Variants in RGL1 observed in about 807,000 individuals in gnomAD.
The protein encoded by RGL1 is ral guanine nucleotide dissociation stimulator like 1.
A neutral mutation model predicts 95.2 loss-of-function variants in RGL1; 24 were observed. The observed-to-expected ratio is 0.25, with a 90% CI of 0.18 to 0.35. The LOEUF (loss-of-function observed/expected upper bound fraction) is 0.35. Among genes scored for constraint, RGL1 ranks in the 10% least tolerant of loss-of-function variants. RGL1 has a pLI of 1.00. For missense variants in RGL1, 715 were observed against 936.3 expected (o/e 0.76, Z 3.08); for synonymous variants, 329 against 344.9 (o/e 0.95, Z 0.51).
chr1:183,916,728 C>T lies in RGL1; in HGVS notation c.2004+27C>T, dbSNP rs746806204. On this transcript the variant is annotated intron_variant, in intron 16 of 17. Coordinates refer to ENST00000360851, the MANE Select transcript of RGL1 (RefSeq NM_001297671.3). ...TGAGGAGCAAGCCCTGACCCAGGAG[C>T]GGGTTTCCATTTAGATTGTGTGTCT... The T allele has an allele frequency of 2.7e-5, 43 of 1,598,892 alleles. No individual in the cohort carries two copies. The Admixed American group carries it at 6.6e-4, about 24-fold the overall frequency.
At chr1:183,913,224 A>C (rs983366175) in intron 15 of RGL1, among the ~76,000 whole-genome samples, 4 of 110,234 alleles carry the variant, frequency 3.6e-5, no homozygotes, top group Non-Finnish European at 6.6e-5. Context: ...ATGAAGTCTC[A>C]CTACTCTGTT....
At chr1:183,657,262 GT>G (rs1482085573) in intron 1 of RGL1, among the ~76,000 whole-genome samples, 4 of 152,016 alleles carry the variant, frequency 2.6e-5, no homozygotes, top group Admixed American at 2.6e-4. Context: ...ATGTTTTACA[GT>G]TTTCAGTGTA....
At chr1:183,769,518 C>T (rs181231483) in intron 2 of RGL1, among the ~76,000 whole-genome samples, 2 of 152,298 alleles carry the variant, frequency 1.3e-5, no homozygotes, top group Admixed American at 6.5e-5. Flanking sequence ...TAATTATGAG[C>T]TTTCTTTTAT....
At chr1:183,794,296 G>A (rs187647219) in intron 2 of RGL1, among the ~76,000 whole-genome samples, 130 of 152,270 alleles carry the variant, frequency 8.5e-4, no homozygotes, top group African/African-American at 3.0e-3. Flanking sequence ...AAGGTGGAGA[G>A]GGGGATGAAG....
chr1:183,922,369 C>T (rs1006471340), intron 17 of RGL1, 33 bp downstream of exon 17: 5 of 1,529,210 alleles, frequency 3.3e-6, no homozygotes, highest in Admixed American at 3.4e-5. Context: ...CATGTTCCTT[C>T]CCAGGGCAGG....
At chr1:183,917,427 A>G (rs1016873544) in intron 16 of RGL1, among the ~76,000 whole-genome samples, 2 of 152,190 alleles carry the variant, frequency 1.3e-5, no homozygotes, top group Non-Finnish European at 2.9e-5. Context: ...TATGGGAGAT[A>G]ATCATGTATT....
chr1:183,828,246 T>A (rs1558232971), intron 2 of RGL1, among the ~76,000 whole-genome samples: 1 of 152,242 alleles, frequency 6.6e-6, no homozygotes, highest in Admixed American at 6.5e-5. Context: ...TTTATCCTGT[T>A]AATATGCAAT....
chr1:183,758,656 C>T (rs1406068201), intron 2 of RGL1, among the ~76,000 whole-genome samples: 1 of 151,932 alleles, frequency 6.6e-6, no homozygotes, highest in African/African-American at 2.4e-5. Flanking sequence ...CTTTGGGGTC[C>T]CTTTTATAAG....
intron 2 of RGL1, among the ~76,000 whole-genome samples, chr1:183,815,841 C>T (rs1471722276): frequency 6.6e-6 from 1 of 152,132 alleles, no homozygotes; most frequent in Non-Finnish European, 1.5e-5. Context: ...TGGTGGGGCT[C>T]TCGTCAGCAC....
chr1:183,912,724 C>T (rs1668719548), intron 15 of RGL1, among the ~76,000 whole-genome samples: 1 of 152,174 alleles, frequency 6.6e-6, no homozygotes, highest in Admixed American at 6.5e-5. Flanking sequence ...CTAGGTTGGG[C>T]TTGACACTAG....
intron 1 of RGL1, among the ~76,000 whole-genome samples, chr1:183,674,581 A>G (rs747998001): frequency 5.3e-5 from 8 of 152,138 alleles, no homozygotes; most frequent in Non-Finnish European, 1.0e-4. Context: ...GGACTTTTCT[A>G]TCTCTTTTAG....
At chr1:183,872,323 A>C (rs532457555) in intron 4 of RGL1, among the ~76,000 whole-genome samples, 37 of 152,170 alleles carry the variant, frequency 2.4e-4, no homozygotes, top group Non-Finnish European at 4.7e-4. Context: ...CCCTCTCTCT[A>C]TATATAACTT....
At chr1:183,919,993 T>C (rs139338376) in intron 16 of RGL1, among the ~76,000 whole-genome samples, 1 of 152,304 alleles carries the variant, frequency 6.6e-6, no homozygotes, top group East Asian at 1.9e-4. Flanking sequence ...TTATATATGC[T>C]GATGTAATAT....
intron 15 of RGL1, among the ~76,000 whole-genome samples, chr1:183,913,843 A>G (rs995355491): frequency 2.6e-5 from 4 of 152,184 alleles, no homozygotes; most frequent in Non-Finnish European, 4.4e-5. Flanking sequence ...TGAGATGACT[A>G]ATTTGCTGCT....
intron 3 of RGL1, among the ~76,000 whole-genome samples, chr1:183,851,031 T>A (rs890621314): frequency 1.3e-5 from 2 of 152,246 alleles, no homozygotes; most frequent in African/African-American, 2.4e-5. Flanking sequence ...CAGATTTTGA[T>A]ATTTTTTAAA....
At chr1:183,678,131 GT>G (rs899104598) in intron 1 of RGL1, among the ~76,000 whole-genome samples, 2 of 151,942 alleles carry the variant, frequency 1.3e-5, no homozygotes, top group Admixed American at 6.6e-5. Flanking sequence ...ACACTGTGCA[GT>G]TTTTTTTCTT....
At chr1:183,865,370 A>G (rs186554991) in intron 3 of RGL1, among the ~76,000 whole-genome samples, 112 of 152,320 alleles carry the variant, frequency 7.4e-4, no homozygotes, top group Middle Eastern at 3.4e-3. Context: ...GTCTAGCGCA[A>G]CCTGGCCTCA....
rs1669737605 is a variant in RGL1, at chr1:183,928,374, C to T, written c.*2082C>T. 1 of 152,562 alleles carries T rather than the reference C, an allele frequency of 6.6e-6. No individual in the cohort carries two copies. Among genetic ancestry groups the T allele is most frequent in the Non-Finnish European group, 1.5e-5 (1 of 68,040 alleles). 9.5% of individuals were successfully genotyped at this position (152,562 alleles called of 1,614,324 possible). Reference sequence around the variant, plus strand: ...ACTTAGCTTCATTTATTTAATGCCACTTTAAATGTCTTAAATTTGTTTCCT... The same window carrying T: ...ACTTAGCTTCATTTATTTAATGCCATTTTAAATGTCTTAAATTTGTTTCCT... On this transcript the variant is annotated 3_prime_UTR_variant, in exon 18 of 18. Coordinates refer to ENST00000360851, the MANE Select transcript of RGL1 (RefSeq NM_001297671.3).
At chr1:183,748,685 C>T (rs1657808250) in intron 2 of RGL1, among the ~76,000 whole-genome samples, 2 of 151,934 alleles carry the variant, frequency 1.3e-5, no homozygotes, top group Non-Finnish European at 2.9e-5. Flanking sequence ...GGATTACAGG[C>T]GTGAGCCACC....
Sources: allele counts gnomAD v4.1 joint callset (sites outside exome capture counted in the v4.1 genomes callset), GRCh38; gene constraint gnomAD v4.1.1; transcripts MANE v1.5; gene names NCBI Gene and HGNC (gene_info 2026-07-23, HGNC 2026-07-21).